Variants in PLXDC2 observed in about 807,000 individuals in gnomAD.
PLXDC2 encodes plexin domain-containing protein 2.
In PLXDC2, 40 loss-of-function variants were observed where a neutral mutation model predicts 68.9. The ratio of observed to expected loss-of-function variants is 0.58; its 90% CI spans 0.45 to 0.76. The LOEUF (loss-of-function observed/expected upper bound fraction) is 0.76. Among genes scored for constraint, PLXDC2 ranks in the 30% least tolerant of loss-of-function variants. The pLI, the probability that PLXDC2 is intolerant of heterozygous loss-of-function variation, is 0.00. For missense variants in PLXDC2, 644 were observed against 661.9 expected, an observed-to-expected ratio of 0.97 and a Z score of 0.30; for synonymous variants, 243 against 234.2, an observed-to-expected ratio of 1.04 and a Z score of -0.34.
intron 1 of PLXDC2, among the ~76,000 whole-genome samples, chr10:19,830,766 C>T (rs1165158982): frequency 6.6e-6 from 1 of 151,456 alleles, no homozygotes; most frequent in Non-Finnish European, 1.5e-5. Flanking sequence ...GGAGTTGTTG[C>T]ATTGGGAAGA....
chr10:20,226,524 G>C (rs1436686100), intron 12 of PLXDC2, among the ~76,000 whole-genome samples: 1 of 152,192 alleles, frequency 6.6e-6, no homozygotes, highest in Non-Finnish European at 1.5e-5. Context: ...GACCCAGAAA[G>C]GTTGCAATTT....
At chr10:20,064,345 C>T (rs1202939385) in intron 3 of PLXDC2, among the ~76,000 whole-genome samples, 4 of 151,764 alleles carry the variant, frequency 2.6e-5, no homozygotes, top group East Asian at 1.9e-4. Flanking sequence ...CTCAGCCTCC[C>T]GAATAGCTAG....
chr10:20,009,073 T>C (rs1234930368), intron 2 of PLXDC2, among the ~76,000 whole-genome samples: 1 of 152,218 alleles, frequency 6.6e-6, no homozygotes, highest in Non-Finnish European at 1.5e-5. Context: ...CTCTTCTATA[T>C]TTTAAGCCTA....
At chr10:20,270,348 T>C (rs1305780188) in intron 13 of PLXDC2, among the ~76,000 whole-genome samples, 1 of 152,168 alleles carries the variant, frequency 6.6e-6, no homozygotes, top group Non-Finnish European at 1.5e-5. Flanking sequence ...TCAGTAAATA[T>C]AGAATTGTTA....
intron 6 of PLXDC2, among the ~76,000 whole-genome samples, chr10:20,149,214 CTTTTTTTTTCTTTTCTT>C (rs1296840172): frequency 4.4e-5 from 5 of 112,396 alleles, no homozygotes; most frequent in Admixed American, 1.1e-4. Context: ...ATTTTTCTTT[CTTTTTTTTTCTTTTCTT>C]TTTTTTTTTT....
intron 13 of PLXDC2, among the ~76,000 whole-genome samples, chr10:20,253,639 G>A (rs752525839): frequency 3.3e-5 from 5 of 152,102 alleles, no homozygotes; most frequent in African/African-American, 1.2e-4. Flanking sequence ...ACTTCAGCCT[G>A]TGTGCAACCT....
At chr10:19,883,861 T>G (rs1454425953) in intron 1 of PLXDC2, among the ~76,000 whole-genome samples, 1 of 147,350 alleles carries the variant, frequency 6.8e-6, no homozygotes, top group Non-Finnish European at 1.5e-5. Context: ...GTGCAAATAT[T>G]ACTGTCTCCA....
intron 1 of PLXDC2, among the ~76,000 whole-genome samples, chr10:19,866,687 C>T (rs1837423273): frequency 6.6e-6 from 1 of 152,138 alleles, no homozygotes; most frequent in African/African-American, 2.4e-5. Context: ...ATTGCATGGT[C>T]CCAAGCAAGG....
chr10:19,860,419 T>G (rs1837297098), intron 1 of PLXDC2, among the ~76,000 whole-genome samples: 1 of 152,168 alleles, frequency 6.6e-6, no homozygotes, highest in Non-Finnish European at 1.5e-5. Context: ...AAATACCTGT[T>G]GATGAATGAG....
intron 13 of PLXDC2, among the ~76,000 whole-genome samples, chr10:20,266,359 T>TG (rs200023104): frequency 6.7e-6 from 1 of 148,602 alleles, no homozygotes; most frequent in South Asian, 2.1e-4. Flanking sequence ...ATGAAATTGT[T>TG]GGGGAAAAAA....
rs368337132 is a variant in PLXDC2 at position 20,001,772 on chromosome 10, C to T, written c.113-3C>T. ...TAACCCATTTTCTTTCTTTTTCAAA[C>T]AGATTGGCAGTATGGAGTTACTCAG... On this transcript the variant is annotated splice_region_variant and splice_polypyrimidine_tract_variant and intron_variant, in intron 1 of 13. Transcript: ENST00000377252. The T allele has an allele frequency of 1.9e-6, 3 of 1,613,470 alleles. No homozygotes were observed. The highest frequency in any genetic ancestry group is 2.5e-6 in the Non-Finnish European group (3 of 1,179,688).
intron 4 of PLXDC2, among the ~76,000 whole-genome samples, chr10:20,131,195 T>G (rs948511493): frequency 4.6e-5 from 7 of 151,694 alleles, no homozygotes; most frequent in African/African-American, 1.5e-4. Flanking sequence ...TCTATTCTGT[T>G]TTTTGTTCTG....
chr10:19,950,278 A>G (rs1009102068), intron 1 of PLXDC2, among the ~76,000 whole-genome samples: 4 of 152,240 alleles, frequency 2.6e-5, no homozygotes, highest in African/African-American at 9.6e-5. Context: ...AGACTCTACC[A>G]AAAGGTTCCA....
At chr10:20,077,439 T>C (rs958593045) in intron 4 of PLXDC2, among the ~76,000 whole-genome samples, 1 of 152,198 alleles carries the variant, frequency 6.6e-6, no homozygotes, top group African/African-American at 2.4e-5. Flanking sequence ...AACTGAGACA[T>C]AGTCATAAAA....
At chr10:20,057,911 C>T (rs768552856) in intron 3 of PLXDC2, among the ~76,000 whole-genome samples, 11 of 141,160 alleles carry the variant, frequency 7.8e-5, no homozygotes, top group Non-Finnish European at 1.5e-4. Flanking sequence ...ATGGAAAACA[C>T]GAATCTGCAT....
chr10:20,160,098 A>G lies in PLXDC2; in HGVS notation c.784-4370A>G, dbSNP rs567375362. ...ATCTGCTGTAATTCCAGTGCCTACAATAATACAGAAAATATATTCAATTAA... is the reference window on the plus strand; with the variant it reads ...ATCTGCTGTAATTCCAGTGCCTACAGTAATACAGAAAATATATTCAATTAA... On this transcript the variant is annotated intron_variant, in intron 6 of 13. Transcript: ENST00000377252. 3.9e-5 allele frequency among the ~76,000 whole-genome samples: 6 copies of G among 152,328 alleles called. No individual in the cohort carries two copies. The East Asian group carries it at 9.6e-4, about 24-fold the overall frequency.
chr10:20,148,140 A>G (rs536069989), intron 6 of PLXDC2, among the ~76,000 whole-genome samples: 2 of 152,322 alleles, frequency 1.3e-5, no homozygotes, highest in African/African-American at 2.4e-5. Context: ...TCATAAAATT[A>G]TTGAGTAATT....
At chr10:20,120,533 G>T (rs1833682790) in intron 4 of PLXDC2, among the ~76,000 whole-genome samples, 1 of 152,148 alleles carries the variant, frequency 6.6e-6, no homozygotes, top group Admixed American at 6.5e-5. Flanking sequence ...GCTAAACTGA[G>T]GAATTATGTC....
At chr10:19,879,439 G>A (rs1220012257) in intron 1 of PLXDC2, among the ~76,000 whole-genome samples, 1 of 152,084 alleles carries the variant, frequency 6.6e-6, no homozygotes, top group African/African-American at 2.4e-5. Context: ...ATATCTCTAT[G>A]TGTGACGGTG....
Sources: allele counts gnomAD v4.1 joint callset (sites outside exome capture counted in the v4.1 genomes callset), GRCh38; gene constraint gnomAD v4.1.1; transcripts MANE v1.5; gene names NCBI Gene and HGNC (gene_info 2026-07-23, HGNC 2026-07-21).